The following NUFIP1 variants were observed in gnomAD, a reference collection of about 807,000 sequenced individuals.
NUFIP1 encodes the protein FMR1-interacting protein NUFIP1.
NUFIP1 carries 38 observed loss-of-function variants against 56.2 expected under a neutral mutation model. The ratio of observed to expected loss-of-function variants is 0.68; its 90% CI spans 0.52 to 0.89. NUFIP1 has a LOEUF of 0.89. NUFIP1 is among the 40% of genes least tolerant of loss of function. The probability of loss-of-function intolerance (pLI) is 0.00; values close to 1 mark genes in which losing one functional copy is unlikely to be tolerated. For synonymous variants in NUFIP1, 215 were observed against 212.4 expected, an observed-to-expected ratio of 1.01 and a Z score of -0.10; for missense variants, 567 against 605.8, an observed-to-expected ratio of 0.94 and a Z score of 0.67.
At position 44,982,119 on chromosome 13, in the gene NUFIP1, T is replaced by C. The variant is rs563024869; in HGVS notation, c.448A>G (p.Lys150Glu). Residue 150 changes from lysine (K) to glutamate (E), a missense_variant, in exon 2 of 10, where the codon AAA becomes GAA. Lys to Glu is a moderately conservative substitution (Grantham distance 56). Transcript: ENST00000379161. ...GGAGGTAAGCTGAAGTCTGTGAATT[T>C]TGCATCATACTTTCGTGGATAATAA... ...NSYYPRKYDA[K>E]FTDFSLPPSR... 28 of 1,509,228 alleles carry C rather than the reference T, an allele frequency of 1.9e-5. No homozygotes were observed. The highest frequency in any genetic ancestry group is 8.9e-5 in the South Asian group (6 of 67,202). 93.5% of individuals were successfully genotyped at this position (1,509,228 alleles called of 1,614,324 possible). A position where few individuals can be genotyped will look rare whatever the true frequency, so the allele number is the denominator to read the frequency against.
chr13:44,946,571 G>A (rs533008356), intron 8 of NUFIP1, among the ~76,000 whole-genome samples: 3 of 152,264 alleles, frequency 2.0e-5, no homozygotes, highest in Non-Finnish European at 4.4e-5. Context: ...CCTGATGTGA[G>A]TATTACCTCT....
intron 6 of NUFIP1, among the ~76,000 whole-genome samples, chr13:44,963,272 T>C (rs536645938): frequency 6.6e-6 from 1 of 152,340 alleles, no homozygotes; most frequent in Non-Finnish European, 1.5e-5. Flanking sequence ...CATCTTTTGT[T>C]AGGTTTATTC....
Position 44,989,248 on chromosome 13 carries a change from AGAGGAAGGCTTTGACCCG to A in NUFIP1, c.171_188del (p.Gly58_Ser63del). ...GGGCCTCCATGGGGGGCTGCGACTC[AGAGGAAGGCTTTGACCCG>A]GCTGCGGGAAGCGAGGACGTAAGTG... On this transcript the variant is annotated inframe_deletion, in exon 1 of 10. Coordinates refer to ENST00000379161, the MANE Select transcript of NUFIP1 (RefSeq NM_012345.3). 1.2e-6 allele frequency: 2 copies of A among 1,613,112 alleles called. No individual in the cohort carries two copies. The highest frequency in any genetic ancestry group is 8.5e-7 in the Non-Finnish European group (1 of 1,179,602).
chr13:44,968,363 C>T (rs972891695), intron 5 of NUFIP1, among the ~76,000 whole-genome samples: 8 of 146,612 alleles, frequency 5.5e-5, no homozygotes, highest in Non-Finnish European at 8.9e-5. Context: ...TCTCAGGGCA[C>T]TGTGTCCAGT....
chr13:44,966,284 T>C (rs987097902), intron 5 of NUFIP1, among the ~76,000 whole-genome samples: 8 of 152,272 alleles, frequency 5.3e-5, no homozygotes, highest in Admixed American at 5.2e-4. Context: ...CTATTCAATT[T>C]ATTCTAGTCA....
At chr13:44,985,835 AG>A (rs1872370088) in intron 1 of NUFIP1, among the ~76,000 whole-genome samples, 1 of 152,208 alleles carries the variant, frequency 6.6e-6, no homozygotes, top group South Asian at 2.1e-4. Flanking sequence ...TTCAAGCAAA[AG>A]GAAGAGTCAC....
intron 6 of NUFIP1, 30 bp from the exon 7 acceptor site, chr13:44,959,604 T>A (rs754266317): frequency 1.9e-6 from 3 of 1,573,966 alleles, no homozygotes; most frequent in African/African-American, 1.4e-5. Flanking sequence ...ATTTTTAATA[T>A]AAAAGGCACT....
At chr13:44,987,518 G>A (rs553552365) in intron 1 of NUFIP1, among the ~76,000 whole-genome samples, 168 of 151,700 alleles carry the variant, frequency 1.1e-3, no homozygotes, top group Non-Finnish European at 1.4e-3. Flanking sequence ...ATGGTATAAT[G>A]TAAAAATAAC....
intron 6 of NUFIP1, among the ~76,000 whole-genome samples, chr13:44,964,377 G>A (rs375538601): frequency 1.4e-3 from 220 of 152,238 alleles, no homozygotes; most frequent in Middle Eastern, 0.01. Flanking sequence ...ATGAATAAAC[G>A]ATGGTCTCTA....
At chr13:44,951,232 T>C (rs1871075846) in intron 7 of NUFIP1, among the ~76,000 whole-genome samples, 1 of 152,198 alleles carries the variant, frequency 6.6e-6, no homozygotes, top group African/African-American at 2.4e-5. Flanking sequence ...TTCCCATTCA[T>C]TGGCTGAATG....
chr13:44,967,788 C>G (rs1210294635), intron 5 of NUFIP1, among the ~76,000 whole-genome samples: 1 of 152,118 alleles, frequency 6.6e-6, no homozygotes, highest in Admixed American at 6.5e-5. Flanking sequence ...TGTGGAGATG[C>G]AGACACCAAA....
chr13:44,967,091 A>G (rs886849095), intron 5 of NUFIP1, among the ~76,000 whole-genome samples: 1 of 152,104 alleles, frequency 6.6e-6, no homozygotes, highest in African/African-American at 2.4e-5. Flanking sequence ...AGAGGGTATA[A>G]AGACTGGGGG....
At chr13:44,983,934 G>C (rs1464296020) in intron 1 of NUFIP1, among the ~76,000 whole-genome samples, 1 of 152,116 alleles carries the variant, frequency 6.6e-6, no homozygotes, top group Non-Finnish European at 1.5e-5. Context: ...AGAACTATGA[G>C]CCAAATAAAT....
At chr13:44,981,300 T>A (rs1012247097) in intron 2 of NUFIP1, among the ~76,000 whole-genome samples, 5 of 151,244 alleles carry the variant, frequency 3.3e-5, no homozygotes, top group African/African-American at 9.8e-5. Context: ...TTGGAAAAAC[T>A]CACAGATAAA....
intron 5 of NUFIP1, among the ~76,000 whole-genome samples, chr13:44,967,777 G>C (rs1014084912): frequency 6.6e-6 from 1 of 152,214 alleles, no homozygotes; most frequent in Non-Finnish European, 1.5e-5. Flanking sequence ...CTGCACAGCT[G>C]TGTGGAGATG....
intron 5 of NUFIP1, among the ~76,000 whole-genome samples, chr13:44,968,857 T>C (rs779063645): frequency 6.6e-6 from 1 of 152,196 alleles, no homozygotes; most frequent in Non-Finnish European, 1.5e-5. Context: ...AAACTTGTTA[T>C]AGCAAGTGGA....
chr13:44,975,744 A>G (rs1263275440), intron 5 of NUFIP1, among the ~76,000 whole-genome samples: 1 of 152,190 alleles, frequency 6.6e-6, no homozygotes, highest in Non-Finnish European at 1.5e-5. Context: ...CCTTCCTCTT[A>G]TATGCTGAGC....
intron 6 of NUFIP1, among the ~76,000 whole-genome samples, chr13:44,960,451 G>T (rs1419617411): frequency 6.6e-6 from 1 of 151,598 alleles, no homozygotes; most frequent in Non-Finnish European, 1.5e-5. Context: ...TATTTTTGTA[G>T]AGACAAGGTT....
Position 44,940,343 on chromosome 13 carries a change from T to TA in NUFIP1, c.*862dup, listed in dbSNP as rs1284726179. On this transcript the variant is annotated 3_prime_UTR_variant, in exon 10 of 10. Transcript: ENST00000379161. The stretch of plus-strand genomic sequence containing the variant: ...AACATGGAGGAGCTATCAGCTTTCT[T>TA]ACCTTTCTTCCTTGACAGCAAGATT... 1 of 152,256 alleles carries TA rather than the reference T, an allele frequency of 6.6e-6. No individual in the cohort carries two copies. The highest frequency in any genetic ancestry group is 1.5e-5 in the Non-Finnish European group (1 of 68,042). The allele number at this position is 152,256 out of a possible 1,614,324, so 9.4% of individuals were successfully genotyped here. A position where few individuals can be genotyped will look rare whatever the true frequency, so the allele number is the denominator to read the frequency against.
Sources: gnomAD v4.1 joint callset for allele counts (sites outside exome capture counted in the v4.1 genomes callset) on GRCh38, gnomAD v4.1.1 for gene constraint, MANE v1.5 for transcripts, NCBI Gene and HGNC (gene_info 2026-07-23, HGNC 2026-07-21) for gene names.